Variants in FKTN observed in about 807,000 individuals in gnomAD.
FKTN encodes ribitol-5-phosphate transferase FKTN.
FKTN carries 47 observed loss-of-function variants against 58.6 expected under a neutral mutation model. The observed-to-expected ratio is 0.80, with a 90% confidence interval of 0.63 to 1.02. The LOEUF (loss-of-function observed/expected upper bound fraction) is 1.02. FKTN is among the 50% of genes least tolerant of loss of function. The pLI is 0.00. For synonymous variants in FKTN, 178 were observed against 191.9 expected, an observed-to-expected ratio of 0.93 and a Z score of 0.60; for missense variants, 516 against 537.3, an observed-to-expected ratio of 0.96 and a Z score of 0.39.
chr9:105,599,552 C>T, intron 4 of FKTN, among the ~76,000 whole-genome samples: 1 of 147,222 alleles, frequency 6.8e-6, no homozygotes, highest in South Asian at 2.2e-4. Context: ...CGGCTCACTG[C>T]AACCTCCACC....
intron 5 of FKTN, among the ~76,000 whole-genome samples, chr9:105,603,378 G>A (rs1166459843): frequency 6.6e-6 from 1 of 152,180 alleles, no homozygotes; most frequent in Non-Finnish European, 1.5e-5. Flanking sequence ...AACAAATGAT[G>A]TTGGAAAATG....
chr9:105,622,518 T>TTA (rs1386464829), intron 10 of FKTN, among the ~76,000 whole-genome samples: 3 of 151,770 alleles, frequency 2.0e-5, no homozygotes, highest in Non-Finnish European at 4.4e-5. Context: ...ATATATATAT[T>TTA]TATATATATA....
At chr9:105,614,460 T>C (rs1384539280) in intron 7 of FKTN, among the ~76,000 whole-genome samples, 1 of 152,166 alleles carries the variant, frequency 6.6e-6, no homozygotes, top group Non-Finnish European at 1.5e-5. Flanking sequence ...ACTTTCCTCA[T>C]AGAAAGTGAG....
At chr9:105,586,326 C>T (rs1337832193) in intron 3 of FKTN, among the ~76,000 whole-genome samples, 1 of 152,192 alleles carries the variant, frequency 6.6e-6, no homozygotes, top group Non-Finnish European at 1.5e-5. Flanking sequence ...GATATACAAA[C>T]TCCTTTAGTG....
intron 10 of FKTN, among the ~76,000 whole-genome samples, chr9:105,625,369 A>G (rs1024065764): frequency 1.3e-5 from 2 of 152,200 alleles, no homozygotes; most frequent in African/African-American, 4.8e-5. Context: ...CCATGTAAAG[A>G]TGATATTTGG....
chr9:105,606,791 C>T (rs908645664), intron 6 of FKTN, among the ~76,000 whole-genome samples: 2 of 151,144 alleles, frequency 1.3e-5, no homozygotes, highest in East Asian at 3.9e-4. Context: ...AAAAGGTATT[C>T]GAAACTGAAG....
chr9:105,613,620 A>G (rs1830316696), intron 7 of FKTN, among the ~76,000 whole-genome samples: 1 of 152,250 alleles, frequency 6.6e-6, no homozygotes, highest in African/African-American at 2.4e-5. Context: ...AAACCTGTAG[A>G]TACAGTGATG....
intron 1 of FKTN, among the ~76,000 whole-genome samples, chr9:105,566,486 G>A (rs1035662046): frequency 5.5e-4 from 84 of 152,054 alleles, no homozygotes; most frequent in Admixed American, 1.6e-3. Context: ...CGATCCCACC[G>A]AAATACAAAC....
chr9:105,590,153 G>C (rs1163455229), intron 3 of FKTN, among the ~76,000 whole-genome samples: 1 of 152,246 alleles, frequency 6.6e-6, no homozygotes, highest in African/African-American at 2.4e-5. Context: ...CATGTGCTGG[G>C]GGGGGACCTG....
chr9:105,612,691 G>A (rs1208925834), intron 7 of FKTN, among the ~76,000 whole-genome samples: 2 of 152,130 alleles, frequency 1.3e-5, no homozygotes, highest in East Asian at 1.9e-4. Flanking sequence ...CTGGCTGGGC[G>A]CCATGGCTCA....
chr9:105,579,714 G>C (rs1378869950), intron 3 of FKTN, among the ~76,000 whole-genome samples: 2 of 141,860 alleles, frequency 1.4e-5, no homozygotes, highest in Non-Finnish European at 3.1e-5. Flanking sequence ...CAATTCCTGG[G>C]TATCCTTGTT....
chr9:105,600,462 C>T (rs1827672260), intron 4 of FKTN, among the ~76,000 whole-genome samples: 1 of 152,034 alleles, frequency 6.6e-6, no homozygotes, highest in South Asian at 2.1e-4. Flanking sequence ...TTACTTATTC[C>T]TAAGTGTGAT....
intron 4 of FKTN, 140 bp from the exon 5 acceptor site, chr9:105,601,005 T>C (rs1452291513): frequency 3.2e-6 from 2 of 618,608 alleles, no homozygotes. Context: ...TAATCATTTG[T>C]ATTTTTTAGC....
chr9:105,578,827 A>G (rs1183254585), intron 3 of FKTN, among the ~76,000 whole-genome samples: 228 of 151,732 alleles, frequency 1.5e-3, no homozygotes, highest in African/African-American at 5.2e-3. Flanking sequence ...GTAAGCTATT[A>G]ATTATTGCCT....
chr9:105,581,288 C>A (rs1013665282), intron 3 of FKTN, among the ~76,000 whole-genome samples: 2 of 147,916 alleles, frequency 1.4e-5, no homozygotes, highest in South Asian at 4.3e-4. Flanking sequence ...TTTTCCCCAT[C>A]TTTGTGGTTT....
chr9:105,564,796 A>G (rs1343109504), intron 1 of FKTN, among the ~76,000 whole-genome samples: 1 of 152,196 alleles, frequency 6.6e-6, no homozygotes, highest in South Asian at 2.1e-4. Context: ...AAGTACAGAG[A>G]ATGCCACAAA....
intron 1 of FKTN, among the ~76,000 whole-genome samples, chr9:105,570,052 A>G (rs2518119): frequency 0.12 from 18,754 of 150,876 alleles, 1,484 homozygotes; most frequent in Admixed American, 0.23. Context: ...ATATCTCTCT[A>G]TAGGTTATTT....
intron 7 of FKTN, among the ~76,000 whole-genome samples, chr9:105,608,547 A>G (rs1829322028): frequency 6.6e-6 from 1 of 152,240 alleles, no homozygotes; most frequent in Non-Finnish European, 1.5e-5. Flanking sequence ...AAGAGATGAC[A>G]TGAAACACAG....
At chr9:105,560,285 A>C (rs998822615) in intron 1 of FKTN, among the ~76,000 whole-genome samples, 5 of 152,186 alleles carry the variant, frequency 3.3e-5, no homozygotes, top group African/African-American at 9.7e-5. Context: ...GTACATATGA[A>C]TCATCTGAGG....
Sources: gnomAD v4.1 joint callset for allele counts (sites outside exome capture counted in the v4.1 genomes callset) on GRCh38, gnomAD v4.1.1 for gene constraint, MANE v1.5 for transcripts, NCBI Gene and HGNC (gene_info 2026-07-23, HGNC 2026-07-21) for gene names.